Variants in RPF2 observed in about 807,000 individuals in gnomAD.
RPF2 encodes the protein ribosome production factor 2 homolog, also known as brix domain containing 1.
RPF2 carries 21 observed loss-of-function variants against 38.9 expected under a neutral mutation model. The ratio of observed to expected loss-of-function variants is 0.54; its 90% confidence interval spans 0.38 to 0.78. RPF2 has a LOEUF of 0.78. Ranked by LOEUF, RPF2 falls within the 30% of genes least tolerant of loss-of-function variation. The pLI, the probability that RPF2 is intolerant of heterozygous loss-of-function variation, is 0.00. For missense variants in RPF2, 314 were observed against 358.1 expected (o/e 0.88, Z 0.99); for synonymous variants, 121 against 126.2 (o/e 0.96, Z 0.28).
intron 4 of RPF2, 114 bp downstream of exon 4, chr6:110,991,900 G>C (rs1771627014): frequency 2.7e-6 from 1 of 368,680 alleles, no homozygotes. Context: ...CATCCTGTGT[G>C]AGGGAATTTT....
intron 5 of RPF2, among the ~76,000 whole-genome samples, chr6:110,999,389 A>G (rs1314163003): frequency 6.6e-6 from 1 of 152,212 alleles, no homozygotes; most frequent in Admixed American, 6.5e-5. Context: ...TAGATTTGAA[A>G]AAGAACCTTT....
At chr6:111,009,652 A>T (rs1771979015) in intron 7 of RPF2, among the ~76,000 whole-genome samples, 1 of 152,176 alleles carries the variant, frequency 6.6e-6, no homozygotes, top group Non-Finnish European at 1.5e-5. Context: ...TTGTGTAATG[A>T]ATATAAGGAC....
chr6:110,988,845 T>G, intron 2 of RPF2, 183 bp from the exon 3 acceptor site: 1 of 725,038 alleles, frequency 1.4e-6, no homozygotes, highest in Non-Finnish European at 2.2e-6. Flanking sequence ...GAAAGTCTAG[T>G]CCAAGAATAT....
At position 111,024,188 on chromosome 6, in the gene RPF2, T is replaced by C; in HGVS notation, c.602T>C (p.Leu201Pro). The C allele has an allele frequency of 1.3e-6, 2 of 1,592,540 alleles. No individual in the cohort carries two copies. Among genetic ancestry groups the C allele is most frequent in the Non-Finnish European group, 1.7e-6 (2 of 1,174,416 alleles). Residue 201 changes from leucine (L) to proline (P), a missense_variant, in exon 9 of 10, where the codon CTG (leucine) becomes CCG (proline). Physicochemically the swap from Leu to Pro is moderately conservative, Grantham distance 98. Coordinates refer to ENST00000441448, the MANE Select transcript of RPF2 (RefSeq NM_032194.3). ...TTTTTACCTATTTCCTAAAGGTTGC[T>C]GTTGAAGAAATCTGGTTGCAGAACA... Reference protein sequence around the residue: ...GKIYFRSYKLLLKKSGCRTPR... With the variant: ...GKIYFRSYKLPLKKSGCRTPR...
chr6:111,012,098 A>G (rs1157445369), intron 7 of RPF2, among the ~76,000 whole-genome samples: 1 of 151,420 alleles, frequency 6.6e-6, no homozygotes, highest in Non-Finnish European at 1.5e-5. Context: ...AATTGACCAG[A>G]AAGAAAAGTT....
At chr6:111,025,382 A>G in intron 9 of RPF2, 21 bp from the exon 10 acceptor site, 2 of 1,520,024 alleles carry the variant, frequency 1.3e-6, no homozygotes, top group Non-Finnish European at 1.8e-6. Flanking sequence ...CATTAAATAT[A>G]TACATATTCT....
At chr6:110,984,889 T>A (rs1470167066) in intron 1 of RPF2, 117 bp from the exon 2 acceptor site, 10 of 1,118,792 alleles carry the variant, frequency 8.9e-6, no homozygotes, top group African/African-American at 4.8e-5. Context: ...AGATTTTTTT[T>A]AAGGGTGGAA....
intron 5 of RPF2, among the ~76,000 whole-genome samples, chr6:110,998,133 G>A (rs1771750055): frequency 3.3e-5 from 5 of 152,108 alleles, no homozygotes; most frequent in Admixed American, 3.3e-4. Context: ...TTGAACTCCT[G>A]ACCTCAAGTG....
At chr6:110,988,549 C>T (rs1462308141) in intron 2 of RPF2, among the ~76,000 whole-genome samples, 1 of 152,056 alleles carries the variant, frequency 6.6e-6, no homozygotes, top group Non-Finnish European at 1.5e-5. Context: ...GATCCTCCCG[C>T]CTTAGCCTCC....
At chr6:110,985,935 CAAAAAA>C (rs71770271) in intron 2 of RPF2, among the ~76,000 whole-genome samples, 2 of 104,582 alleles carry the variant, frequency 1.9e-5, no homozygotes, top group South Asian at 2.7e-4. Context: ...GACTCCATTT[CAAAAAA>C]AAAAAAAAAA....
Position 111,005,699 on chromosome 6 carries a change from G to A in RPF2, c.394-2339G>A, listed in dbSNP as rs1164463997. Among the ~76,000 whole-genome samples the A allele has an allele frequency of 3.3e-5, 5 of 151,664 alleles. No individual in the cohort carries two copies. In the East Asian group the frequency reaches 7.7e-4, roughly 23 times the overall value. ...GGCTGGAGTGTAGTGGCAAGAGCAC[G>A]GCTCATGGCAGCCTGGACTTCCCTG... On this transcript the variant is annotated intron_variant, in intron 6 of 9. Transcript: ENST00000441448.
chr6:111,025,811 C>G lies in RPF2; in HGVS notation c.*229C>G, dbSNP rs1772318581. 1 of 293,410 alleles carries G rather than the reference C, an allele frequency of 3.4e-6. No individual in the cohort carries two copies. The allele number at this position is 293,410 out of a possible 1,614,324, so 18.2% of individuals were successfully genotyped here. ...TTTCTCTTGTGATATCCCCTGCCCT[C>G]CACAAATTCTTCTTTCTCATTGGGT... On this transcript the variant is annotated 3_prime_UTR_variant, in exon 10 of 10. Coordinates refer to ENST00000441448, the MANE Select transcript of RPF2 (RefSeq NM_032194.3).
chr6:110,998,647 G>C (rs1006533014), intron 5 of RPF2, among the ~76,000 whole-genome samples: 2 of 152,154 alleles, frequency 1.3e-5, no homozygotes, highest in Non-Finnish European at 2.9e-5. Flanking sequence ...TGTTACAGTA[G>C]ATAGGCAGAC....
intron 6 of RPF2, among the ~76,000 whole-genome samples, chr6:111,001,983 T>C (rs749770714): frequency 2.0e-5 from 3 of 152,134 alleles, no homozygotes; most frequent in Non-Finnish European, 2.9e-5. Flanking sequence ...GTCTCATATA[T>C]GTATAAAGTA....
At position 111,025,155 on chromosome 6, in the gene RPF2, C is replaced by G. The variant is rs1056114042; in HGVS notation, c.742-248C>G. 3.3e-5 allele frequency among the ~76,000 whole-genome samples: 5 copies of G among 152,212 alleles called. No homozygotes were observed. The South Asian group carries it at 6.2e-4, about 19-fold the overall frequency. ...TTCAAAGTGTGGCCTGACAGTTTACCTGGGAATTGTGCAGAATATCAGGCC... is the reference window on the plus strand; with the variant it reads ...TTCAAAGTGTGGCCTGACAGTTTACGTGGGAATTGTGCAGAATATCAGGCC... On this transcript the variant is annotated intron_variant, in intron 9 of 9. Transcript: ENST00000441448.
chr6:110,996,319 C>G (rs1191955996), intron 4 of RPF2, among the ~76,000 whole-genome samples: 1 of 151,988 alleles, frequency 6.6e-6, no homozygotes, highest in Non-Finnish European at 1.5e-5. Context: ...GCTGGGATTA[C>G]AGGCATGCAC....
At chr6:110,990,571 C>A (rs55687606) in intron 3 of RPF2, among the ~76,000 whole-genome samples, 17 of 134,266 alleles carry the variant, frequency 1.3e-4, no homozygotes, top group African/African-American at 1.4e-4. Context: ...CCCCCCCCCC[C>A]CCACCTTTTC....
intron 6 of RPF2, among the ~76,000 whole-genome samples, chr6:111,002,311 A>G (rs1245694810): frequency 6.6e-6 from 1 of 152,142 alleles, no homozygotes; most frequent in East Asian, 1.9e-4. Flanking sequence ...AAACTGGACC[A>G]CAAAACCATT....
intron 5 of RPF2, among the ~76,000 whole-genome samples, chr6:110,999,006 A>C (rs1286954128): frequency 6.6e-6 from 1 of 151,894 alleles, no homozygotes; most frequent in African/African-American, 2.4e-5. Context: ...TATAAATATG[A>C]CCCTACCAAT....
Sources: allele counts gnomAD v4.1 joint callset (sites outside exome capture counted in the v4.1 genomes callset), GRCh38; gene constraint gnomAD v4.1.1; transcripts MANE v1.5; gene names NCBI Gene and HGNC (gene_info 2026-07-23, HGNC 2026-07-21).